Variants in SAMD12 observed in about 807,000 individuals in gnomAD.
SAMD12 encodes sterile alpha motif domain-containing protein 12.
SAMD12 carries 9 observed loss-of-function variants against 15.0 expected under a neutral mutation model. That is an observed-to-expected ratio of 0.60 (90% CI 0.36 to 1.05). SAMD12 has a LOEUF of 1.05. Among genes scored for constraint, SAMD12 ranks in the 50% least tolerant of loss-of-function variants. The pLI is 0.01. For synonymous variants in SAMD12, 86 were observed against 90.1 expected, an observed-to-expected ratio of 0.96 and a Z score of 0.25; for missense variants, 230 against 234.2, an observed-to-expected ratio of 0.98 and a Z score of 0.12.
At chr8:118,427,078 A>G (rs1363866867) in intron 3 of SAMD12, among the ~76,000 whole-genome samples, 1 of 152,222 alleles carries the variant, frequency 6.6e-6, no homozygotes, top group Admixed American at 6.5e-5. Flanking sequence ...GCCTTTCTTT[A>G]TAAGAATGCT....
At chr8:118,278,824 G>A (rs577661021) in intron 4 of SAMD12, among the ~76,000 whole-genome samples, 7 of 152,282 alleles carry the variant, frequency 4.6e-5, no homozygotes, top group Admixed American at 1.3e-4. Flanking sequence ...AGTACAAAGC[G>A]AAGGGAAGTA....
intron 2 of SAMD12, among the ~76,000 whole-genome samples, chr8:118,463,815 G>T (rs2130944531): frequency 6.6e-6 from 1 of 152,006 alleles, no homozygotes; most frequent in Non-Finnish European, 1.5e-5. Context: ...ACGGCCTTCA[G>T]CACAAGGGGG....
Position 118,379,605 on chromosome 8 carries a change from G to GC in SAMD12, c.417dup (p.Leu140AlafsTer22). The stretch of plus-strand genomic sequence containing the variant: ...TTTCTGACTTCTTCTCGCACCTTCA[G>GC]CTGGAGCACCTGTTGTAAGATGTGC... On this transcript the variant is annotated frameshift_variant, in exon 4 of 4. Transcript: ENST00000314727. LOFTEE classifies it low-confidence loss of function (END_TRUNC). 1 of 1,613,950 alleles carries GC rather than the reference G, an allele frequency of 6.2e-7. No individual in the cohort carries two copies. Among genetic ancestry groups the GC allele is most frequent in the Non-Finnish European group, 8.5e-7 (1 of 1,179,902 alleles).
rs1277471171 is a variant in SAMD12 at position 118,191,791 on chromosome 8, T to C, written c.*5919A>G. The C allele has an allele frequency of 5.4e-4, 30 of 55,528 alleles. 2 individuals are homozygous for C. Among genetic ancestry groups the C allele is most frequent in the African/African-American group, 2.1e-3 (29 of 13,576 alleles). 3.4% of individuals were successfully genotyped at this position (55,528 alleles called of 1,614,324 possible). ...ATATATATATATATATATATATATA[T>C]ATATATATATATATATATATAGAGA... On this transcript the variant is annotated 3_prime_UTR_variant, in exon 5 of 5. Transcript: ENST00000409003.
At chr8:118,608,488 A>G (rs559168828) in intron 1 of SAMD12, among the ~76,000 whole-genome samples, 62 of 152,142 alleles carry the variant, frequency 4.1e-4, no homozygotes, top group African/African-American at 1.5e-3. Context: ...TGTACGTAGA[A>G]GGATAGAAGG....
intron 2 of SAMD12, among the ~76,000 whole-genome samples, chr8:118,568,040 C>G (rs1826897510): frequency 6.6e-6 from 1 of 152,070 alleles, no homozygotes; most frequent in African/African-American, 2.4e-5. Flanking sequence ...GGATGATGAC[C>G]TAAAATAATA....
chr8:118,157,675 C>T, the SAMD12 span, among the ~76,000 whole-genome samples: 2 of 152,094 alleles, frequency 1.3e-5, no homozygotes, highest in African/African-American at 2.4e-5. Context: ...GGAGCTATTT[C>T]GTTACTGTTT....
At chr8:118,471,181 C>T (rs1450660294) in intron 2 of SAMD12, among the ~76,000 whole-genome samples, 1 of 150,868 alleles carries the variant, frequency 6.6e-6, no homozygotes, top group Non-Finnish European at 1.5e-5. Flanking sequence ...CTGGTCACAG[C>T]ATTTTTTTTT....
chr8:118,221,391 C>T (rs185067022), intron 4 of SAMD12, among the ~76,000 whole-genome samples: 72 of 152,236 alleles, frequency 4.7e-4, no homozygotes, highest in African/African-American at 1.6e-3. Flanking sequence ...CAGCCTGAAG[C>T]GTGAGTAGGC....
intron 2 of SAMD12, among the ~76,000 whole-genome samples, chr8:118,445,778 G>C (rs1248528011): frequency 6.6e-6 from 1 of 152,084 alleles, no homozygotes; most frequent in African/African-American, 2.4e-5. Context: ...AATCTCTTCT[G>C]ATAGTATAAG....
the SAMD12 span, among the ~76,000 whole-genome samples, chr8:118,132,917 AT>A: frequency 7.1e-5 from 10 of 140,410 alleles, no homozygotes; most frequent in Admixed American, 5.0e-4. Flanking sequence ...GTGAGAGAAT[AT>A]TTATTCTGGT....
chr8:118,228,388 C>G (rs941405822), intron 4 of SAMD12, among the ~76,000 whole-genome samples: 2 of 152,092 alleles, frequency 1.3e-5, no homozygotes, highest in African/African-American at 4.8e-5. Flanking sequence ...ATACATCTGA[C>G]AAAGGACTAA....
intron 1 of SAMD12, among the ~76,000 whole-genome samples, chr8:118,614,301 A>G (rs1268342857): frequency 6.6e-6 from 1 of 152,190 alleles, no homozygotes; most frequent in South Asian, 2.1e-4. Context: ...CAACATGCCT[A>G]TGAGGTCATT....
intron 4 of SAMD12, among the ~76,000 whole-genome samples, chr8:118,218,737 T>C (rs1242791015): frequency 6.6e-6 from 1 of 152,182 alleles, no homozygotes; most frequent in Non-Finnish European, 1.5e-5. Flanking sequence ...CCATTGTGTA[T>C]ATATACCACA....
intron 1 of SAMD12, among the ~76,000 whole-genome samples, chr8:118,596,055 T>C (rs1827715464): frequency 6.6e-6 from 1 of 152,200 alleles, no homozygotes; most frequent in Admixed American, 6.5e-5. Flanking sequence ...CCTTATGTAC[T>C]TGTGATAACC....
chr8:118,438,639 A>G (rs1822645680), intron 3 of SAMD12, among the ~76,000 whole-genome samples: 1 of 152,170 alleles, frequency 6.6e-6, no homozygotes, highest in African/African-American at 2.4e-5. Context: ...CAGATCTCAC[A>G]GCTACAGCCT....
rs373102632 is a variant in SAMD12, at chr8:118,191,254, T to C, written c.*6456A>G. On this transcript the variant is annotated 3_prime_UTR_variant, in exon 5 of 5. Coordinates refer to the SAMD12 transcript ENST00000409003. ...TCTTTTACTAGTTAAACCATGGTCT[T>C]CTCAGACATGGCCTTGTAAGGACAA... 2.0e-5 allele frequency: 3 copies of C among 152,104 alleles called. No individual in the cohort carries two copies. In the East Asian group the frequency reaches 5.8e-4, roughly 29 times the overall value. The allele number at this position is 152,104 out of a possible 1,614,324, so 9.4% of individuals were successfully genotyped here.
chr8:118,505,343 CTTTT>C (rs56822477), intron 2 of SAMD12, among the ~76,000 whole-genome samples: 2 of 133,372 alleles, frequency 1.5e-5, no homozygotes. Context: ...GGGCAGAGCT[CTTTT>C]TTTTTTTTTT....
intron 3 of SAMD12, among the ~76,000 whole-genome samples, chr8:118,430,607 G>A (rs971485719): frequency 6.6e-6 from 1 of 152,024 alleles, no homozygotes; most frequent in African/African-American, 2.4e-5. Flanking sequence ...TGATCCATCC[G>A]CCTTGGTCTC....
Sources: allele counts gnomAD v4.1 joint callset (sites outside exome capture counted in the v4.1 genomes callset), GRCh38; gene constraint gnomAD v4.1.1; transcripts MANE v1.5; gene names NCBI Gene and HGNC (gene_info 2026-07-23, HGNC 2026-07-21).